The following HDAC4 variants were observed in gnomAD, a reference collection of about 807,000 sequenced individuals.
HDAC4 encodes histone deacetylase A.
A neutral mutation model predicts 135.1 loss-of-function variants in HDAC4; 16 were observed. The ratio of observed to expected loss-of-function variants is 0.12; its 90% CI spans 0.08 to 0.18. The LOEUF (loss-of-function observed/expected upper bound fraction) is 0.18. Among genes scored for constraint, HDAC4 ranks in the 10% least tolerant of loss-of-function variants. The probability of loss-of-function intolerance (pLI) is 1.00; values close to 1 mark genes in which losing one functional copy is unlikely to be tolerated. For missense variants in HDAC4, 1,143 were observed against 1,511.8 expected, an observed-to-expected ratio of 0.76 and a Z score of 4.05; for synonymous variants, 685 against 653.4, an observed-to-expected ratio of 1.05 and a Z score of -0.74.
At chr2:239,393,260 G>C (rs1696350084) in intron 1 of HDAC4, among the ~76,000 whole-genome samples, 1 of 152,238 alleles carries the variant, frequency 6.6e-6, no homozygotes, top group African/African-American at 2.4e-5. Context: ...AGGCCTCCTT[G>C]GGATGCATCT....
At chr2:239,164,050 C>G (rs1267227101) in intron 5 of HDAC4, 127 bp from the exon 6 acceptor site, 1 of 1,112,304 alleles carries the variant, frequency 9.0e-7, no homozygotes, top group Non-Finnish European at 1.4e-6. Flanking sequence ...ACGCTGTGGC[C>G]TCCTGAGCGC....
intron 2 of HDAC4, among the ~76,000 whole-genome samples, chr2:239,291,220 C>G (rs114449075): frequency 1.4e-3 from 216 of 152,366 alleles, no homozygotes; most frequent in African/African-American, 5.0e-3. Context: ...GGTGTTATGA[C>G]AAAACTGAAA....
intron 1 of HDAC4, among the ~76,000 whole-genome samples, chr2:239,356,031 C>T (rs1054809919): frequency 6.6e-6 from 1 of 152,112 alleles, no homozygotes; most frequent in Admixed American, 6.5e-5. Flanking sequence ...ATACTAAAAA[C>T]ACAAGGGCTT....
chr2:239,124,724 CTGGCGTGTGGCTGCGTTATATGA>C (rs2040012148), intron 12 of HDAC4, among the ~76,000 whole-genome samples: 1 of 113,190 alleles, frequency 8.8e-6, no homozygotes, highest in Non-Finnish European at 1.8e-5. Context: ...TTCTGGTGTG[CTGGCGTGTGGCTGCGTTATATGA>C]CATTCCATGT....
At chr2:239,150,221 AG>A (rs1242893892) in intron 7 of HDAC4, among the ~76,000 whole-genome samples, 1 of 152,160 alleles carries the variant, frequency 6.6e-6, no homozygotes, top group East Asian at 1.9e-4. Flanking sequence ...ACAGACACAC[AG>A]ATACACACAC....
At chr2:239,261,117 G>A (rs893337928) in intron 2 of HDAC4, among the ~76,000 whole-genome samples, 3 of 152,208 alleles carry the variant, frequency 2.0e-5, no homozygotes, top group Non-Finnish European at 4.4e-5. Flanking sequence ...CATTGCCCAG[G>A]CTGGGCTTAA....
chr2:239,383,868 A>G (rs1431312319), intron 1 of HDAC4, among the ~76,000 whole-genome samples: 1 of 152,218 alleles, frequency 6.6e-6, no homozygotes, highest in Non-Finnish European at 1.5e-5. Context: ...ACAGTCCCAC[A>G]GAGTCCCCCA....
At chr2:239,230,947 C>T (rs781657231) in intron 3 of HDAC4, among the ~76,000 whole-genome samples, 1 of 152,188 alleles carries the variant, frequency 6.6e-6, no homozygotes, top group Non-Finnish European at 1.5e-5. Flanking sequence ...TCAAATACTT[C>T]CTGTTCCAAA....
At chr2:239,293,823 C>T (rs1263370276) in intron 2 of HDAC4, among the ~76,000 whole-genome samples, 1 of 152,226 alleles carries the variant, frequency 6.6e-6, no homozygotes, top group African/African-American at 2.4e-5. Flanking sequence ...CTGCACTCAG[C>T]GGATGGCATA....
intron 12 of HDAC4, among the ~76,000 whole-genome samples, chr2:239,120,043 G>C (rs1575097257): frequency 6.6e-6 from 1 of 151,862 alleles, no homozygotes. Flanking sequence ...TCCTGGCCAA[G>C]TGCCAGAGAA....
chr2:239,263,683 G>A (rs2049525825), intron 2 of HDAC4, among the ~76,000 whole-genome samples: 1 of 152,222 alleles, frequency 6.6e-6, no homozygotes, highest in African/African-American at 2.4e-5. Flanking sequence ...AGGACAGTCA[G>A]GAAAGGCCTC....
intron 24 of HDAC4, among the ~76,000 whole-genome samples, chr2:239,062,875 G>A (rs943330042): frequency 1.4e-4 from 22 of 152,182 alleles, no homozygotes; most frequent in African/African-American, 4.6e-4. Flanking sequence ...AAGGCAGGGC[G>A]TGTCCTGGTA....
chr2:239,054,830 C>G lies in HDAC4; in HGVS notation c.3007G>C (p.Asp1003His). The G allele has an allele frequency of 6.2e-7, 1 of 1,606,552 alleles. No homozygotes were observed. The highest frequency in any genetic ancestry group is 8.5e-7 in the Non-Finnish European group (1 of 1,173,148). Reference sequence around the variant, plus strand: ...TGTAAAACCTTTTCTGGGAGAGGATCAAGCTGGAAGAAAATGCATAAGAAT... The same window carrying G: ...TGTAAAACCTTTTCTGGGAGAGGATGAAGCTGGAAGAAAATGCATAAGAAT... ...CVSALLGNEL[D>H]PLPEKVLQQR... is the part of the protein sequence containing the mutation. The change falls in exon 25 of 27, where the codon GAT (aspartate) becomes CAT (histidine). Residue 1003 changes from aspartate to histidine, a missense_variant. By Grantham distance (81) the Asp-to-His change is moderately conservative. Around this residue, in one of 9 missense-constraint regions of HDAC4, gnomAD observed 131 missense variants for 130.6 expected, o/e 1.00. Coordinates refer to ENST00000543185, the MANE Select transcript of HDAC4 (RefSeq NM_001378414.1).
intron 3 of HDAC4, among the ~76,000 whole-genome samples, chr2:239,200,500 G>GT (rs2045692314): frequency 1.3e-5 from 2 of 152,178 alleles, no homozygotes; most frequent in African/African-American, 4.8e-5. Flanking sequence ...TCGTATGTAG[G>GT]TGAGTTTTTA....
intron 24 of HDAC4, among the ~76,000 whole-genome samples, chr2:239,064,506 G>A (rs942200283): frequency 6.6e-5 from 10 of 152,290 alleles, no homozygotes; most frequent in South Asian, 6.2e-4. Flanking sequence ...GAAGGGGAGG[G>A]AGGAAGGTTC....
chr2:239,189,855 G>A lies in HDAC4; in HGVS notation c.317C>T (p.Ala106Val), dbSNP rs139121214. 115 of 1,608,234 alleles carry A rather than the reference G, an allele frequency of 7.2e-5. No homozygotes were observed. Among genetic ancestry groups the A allele is most frequent in the Admixed American group, 1.2e-4 (7 of 59,936 alleles). ...QHEQLSRQHE[A>V]QLHEHIKQQQ... ...CACCTTGATGTGCTCGTGGAGCTGCGCCTCGTGCTGCCGGGAGAGCTGCTC... is the reference window on the plus strand; with the variant it reads ...CACCTTGATGTGCTCGTGGAGCTGCACCTCGTGCTGCCGGGAGAGCTGCTC... Residue 106 changes from alanine to valine, a missense_variant, in exon 4 of 27, where the codon GCG becomes GTG. By Grantham distance (64) the Ala-to-Val change is moderately conservative (BLOSUM62 0). Around this residue, in one of 9 missense-constraint regions of HDAC4, gnomAD observed 247 missense variants for 310.0 expected, o/e 0.80. Coordinates refer to ENST00000543185, the MANE Select transcript of HDAC4 (RefSeq NM_001378414.1).
intron 1 of HDAC4, among the ~76,000 whole-genome samples, chr2:239,378,270 A>G (rs960239515): frequency 2.0e-5 from 3 of 152,202 alleles, no homozygotes; most frequent in Admixed American, 1.3e-4. Flanking sequence ...CCAGGCACAT[A>G]AAGTCCAGCG....
At position 239,303,901 on chromosome 2, in the gene HDAC4, T is replaced by TGCTTGGCACCAAGGTCCC. The variant is rs1168923447; in HGVS notation, c.22+48759_22+48776dup. On this transcript the variant is annotated intron_variant, in intron 2 of 26. Transcript: ENST00000543185. This position sits in a 1 kb window ranked among gnomAD's most constrained non-coding sequence, Gnocchi z 5.1. Reference sequence around the variant, plus strand: ...CAGGCCTGCCCCGTGGCCCTGGGAATGCTTGGCACCAAGGTCCCACTTCCC... The same window carrying TGCTTGGCACCAAGGTCCC: ...CAGGCCTGCCCCGTGGCCCTGGGAATGCTTGGCACCAAGGTCCCGCTTGGCACCAAGGTCCCACTTCCC... Among the ~76,000 whole-genome samples the TGCTTGGCACCAAGGTCCC allele has an allele frequency of 2.0e-5, 3 of 152,188 alleles. No individual in the cohort carries two copies. Among genetic ancestry groups the TGCTTGGCACCAAGGTCCC allele is most frequent in the Non-Finnish European group, 2.9e-5 (2 of 68,026 alleles).
chr2:239,275,008 G>A (rs970991551), intron 2 of HDAC4, among the ~76,000 whole-genome samples: 14 of 152,244 alleles, frequency 9.2e-5, no homozygotes, highest in East Asian at 1.9e-4. Flanking sequence ...ACAGATCAGC[G>A]GAGGGGCTTC....
Sources: allele counts gnomAD v4.1 joint callset (sites outside exome capture counted in the v4.1 genomes callset), GRCh38; gene constraint gnomAD v4.1.1; regional missense constraint gnomAD v4.1.1; non-coding constraint Gnocchi (gnomAD v3.1); transcripts MANE v1.5; gene names NCBI Gene and HGNC (gene_info 2026-07-23, HGNC 2026-07-21).